The following STRIP1 variants were observed in gnomAD, a reference collection of about 807,000 sequenced individuals.
The protein encoded by STRIP1 is striatin interacting protein 1.
STRIP1 carries 63 observed loss-of-function variants against 106.2 expected under a neutral mutation model. The ratio of observed to expected loss-of-function variants is 0.59; its 90% CI spans 0.48 to 0.73. STRIP1 has a LOEUF of 0.73. Among genes scored for constraint, STRIP1 ranks in the 30% least tolerant of loss-of-function variants. STRIP1 has a pLI of 0.00. For missense variants in STRIP1, 857 were observed against 1,074.8 expected, an observed-to-expected ratio of 0.80 and a Z score of 2.83; for synonymous variants, 390 against 413.0, an observed-to-expected ratio of 0.94 and a Z score of 0.67.
In STRIP1 at chr1:110,043,137, G is replaced by A. The variant is rs776174401; in HGVS notation, c.935G>A (p.Arg312His). ...EELQSMKAEK[R>H]SILGLPPLPE... ...CTGCAGAGCATGAAGGCTGAGAAGC[G>A]CAGCATCCTGGGCCTCCCCCCGCTT... Residue 312 changes from arginine to histidine, a missense_variant, in exon 9 of 21, where the codon CGC becomes CAC. By Grantham distance (29) the Arg-to-His change is conservative. Coordinates refer to ENST00000369795, the MANE Select transcript of STRIP1 (RefSeq NM_033088.4). The A allele has an allele frequency of 5.0e-6, 8 of 1,613,830 alleles. No individual in the cohort carries two copies. Among genetic ancestry groups the A allele is most frequent in the Middle Eastern group, 3.3e-4 (2 of 6,084 alleles).
intron 13 of STRIP1, 29 bp downstream of exon 13, chr1:110,046,780 G>A (rs372429231): frequency 9.0e-5 from 141 of 1,567,622 alleles, no homozygotes; most frequent in African/African-American, 6.8e-5. Context: ...GTCCGGGCGC[G>A]GTGGCTCACG....
At chr1:110,051,144 T>C in intron 19 of STRIP1, 84 bp downstream of exon 19, 1 of 878,512 alleles carries the variant, frequency 1.1e-6, no homozygotes, top group South Asian at 1.3e-5. Flanking sequence ...AGGGTGGGGC[T>C]CACTGTGCCT....
chr1:110,036,019 C>T (rs1042284709), intron 1 of STRIP1, among the ~76,000 whole-genome samples: 15 of 152,108 alleles, frequency 9.9e-5, no homozygotes, highest in African/African-American at 3.1e-4. Context: ...TGGAAGATTA[C>T]GAAAGTGCAG....
chr1:110,048,266 A>G, intron 15 of STRIP1: 2 of 215,514 alleles, frequency 9.3e-6, no homozygotes, highest in South Asian at 8.1e-5. Context: ...GTATAGAGAC[A>G]TCCCTTTTCG....
chr1:110,040,704 G>T lies in STRIP1; in HGVS notation c.650+1G>T. 1 of 1,609,974 alleles carries T rather than the reference G, an allele frequency of 6.2e-7. No homozygotes were observed. On this transcript the variant is annotated splice_donor_variant, in intron 6 of 20. Coordinates refer to ENST00000369795, the MANE Select transcript of STRIP1 (RefSeq NM_033088.4). LOFTEE classifies it high-confidence loss of function. ...CCCTGGCTGACAGCACAGACCTCAG[G>T]TGAGGCGAGCAGCAAGCCTGGGCTC... is the stretch of plus-strand genomic sequence containing the variant.
chr1:110,047,598 C>G lies in STRIP1; in HGVS notation c.1545C>G (p.Pro515=). 1 of 1,610,522 alleles carries G rather than the reference C, an allele frequency of 6.2e-7. No individual in the cohort carries two copies. The highest frequency in any genetic ancestry group is 8.5e-7 in the Non-Finnish European group (1 of 1,178,340). The change falls in exon 14 of 21, where the codon CCC becomes CCG. Residue 515 remains proline (P), a synonymous_variant. Coordinates refer to ENST00000369795, the MANE Select transcript of STRIP1 (RefSeq NM_033088.4). ...PAETLYQGLL[P]SLPQYMIALL... ...AAACCCTCTACCAAGGCTTGCTCCC[C>G]AGCCTGCCTCAGTATATGGTGAGTG...
upstream of STRIP1, among the ~76,000 whole-genome samples, chr1:110,032,732 C>G (rs1426786563): frequency 1.3e-5 from 2 of 152,130 alleles, no homozygotes; most frequent in Non-Finnish European, 2.9e-5. Flanking sequence ...GTCCCCCTAC[C>G]TACACAATAT....
chr1:110,053,962 C>T lies in STRIP1; in HGVS notation c.*50C>T, dbSNP rs376640780. 6 of 1,603,166 alleles carry T rather than the reference C, an allele frequency of 3.7e-6. No individual in the cohort carries two copies. The highest frequency in any genetic ancestry group is 1.8e-4 in the Middle Eastern group (1 of 5,672). On this transcript the variant is annotated 3_prime_UTR_variant, in exon 21 of 21. Coordinates refer to ENST00000369795, the MANE Select transcript of STRIP1 (RefSeq NM_033088.4). ...GGAGAGAAAAGATGATCTGAAGGTA[C>T]CTGTGGGACTGTCCTAGTTCATTGC... is the stretch of plus-strand genomic sequence containing the variant.
chr1:110,050,722 A>G (rs925730857), intron 18 of STRIP1, among the ~76,000 whole-genome samples: 1 of 152,238 alleles, frequency 6.6e-6, no homozygotes, highest in Non-Finnish European at 1.5e-5. Flanking sequence ...GCCCAAGGCC[A>G]CAGCTCCCAG....
intron 18 of STRIP1, 44 bp from the exon 19 acceptor site, chr1:110,050,912 C>T: frequency 8.9e-7 from 1 of 1,120,920 alleles, no homozygotes; most frequent in Admixed American, 1.7e-5. Context: ...CTGCTGCACA[C>T]ACTGCAGCCA....
rs1652351165 is a variant in STRIP1, at chr1:110,034,709, G to T, written c.72G>T (p.Pro24=). 7.3e-6 allele frequency: 11 copies of T among 1,508,626 alleles called. No homozygotes were observed. In the East Asian group the frequency reaches 8.5e-5, roughly 12 times the overall value. 93.5% of individuals were successfully genotyped at this position (1,508,626 alleles called of 1,614,324 possible). A position where few individuals can be genotyped will look rare whatever the true frequency, so the allele number is the denominator to read the frequency against. The change falls in exon 1 of 21, where the codon CCG becomes CCT. Residue 24 remains proline, a synonymous_variant. Coordinates refer to ENST00000369795, the MANE Select transcript of STRIP1 (RefSeq NM_033088.4). ...AACAGCCCCAGCCCCCGCCACCTCC[G>T]CCGCCGGCAGCCGCACAGCCACCAC... ...NNKQPQPPPP[P]PPAAAQPPPG...
intron 10 of STRIP1, 31 bp from the exon 11 acceptor site, chr1:110,044,809 T>C (rs1652938069): frequency 6.2e-7 from 1 of 1,611,860 alleles, no homozygotes; most frequent in Non-Finnish European, 8.5e-7. Context: ...AAAAACCTTT[T>C]TTCTTTCTCT....
At chr1:110,038,108 A>G (rs986120038) in intron 2 of STRIP1, 148 bp downstream of exon 2, 84 of 165,656 alleles carry the variant, frequency 5.1e-4, no homozygotes, top group African/African-American at 2.1e-3. Flanking sequence ...ATATATATAT[A>G]TATATGTATA....
At chr1:110,050,281 CTGCTCCACCAGGCCCT>C in intron 17 of STRIP1, 46 bp from the exon 18 acceptor site, 1 of 1,551,290 alleles carries the variant, frequency 6.4e-7, no homozygotes, top group Non-Finnish European at 8.9e-7. Flanking sequence ...TCAGGCACGG[CTGCTCCACCAGGCCCT>C]GGGCCTTTGC....
chr1:110,052,134 A>G (rs1653329102), intron 20 of STRIP1, among the ~76,000 whole-genome samples: 1 of 152,118 alleles, frequency 6.6e-6, no homozygotes, highest in African/African-American at 2.4e-5. Flanking sequence ...TTCCTTTTCT[A>G]GAAATTGTCA....
intron 15 of STRIP1, among the ~76,000 whole-genome samples, chr1:110,048,753 C>T (rs1411567041): frequency 6.6e-6 from 1 of 152,122 alleles, no homozygotes; most frequent in Non-Finnish European, 1.5e-5. Context: ...TTTTCCATGA[C>T]ATGAAACTTG....
At chr1:110,041,354 G>A (rs930828369) in intron 6 of STRIP1, 182 bp from the exon 7 acceptor site, 1 of 559,202 alleles carries the variant, frequency 1.8e-6, no homozygotes, top group African/African-American at 1.9e-5. Context: ...CACCTCTGTG[G>A]TTTTTTTCTT....
intron 19 of STRIP1, among the ~76,000 whole-genome samples, chr1:110,051,285 T>G (rs1653287364): frequency 6.6e-6 from 1 of 152,204 alleles, no homozygotes; most frequent in African/African-American, 2.4e-5. Context: ...TAGAAGAACT[T>G]TTTCCATGTC....
In STRIP1 at chr1:110,049,243, C is replaced by G. The variant is rs1455066033; in HGVS notation, c.1788+5C>G. On this transcript the variant is annotated splice_donor_5th_base_variant and intron_variant, in intron 16 of 20. Transcript: ENST00000369795. ...AAGTTGAACCATGTCTACCAGGTAC[C>G]CACAGGGCTTTCCCTCCTGTCCTGT... 4 of 1,613,930 alleles carry G rather than the reference C, an allele frequency of 2.5e-6. No individual in the cohort carries two copies. In the Admixed American group the frequency reaches 6.7e-5, roughly 27 times the overall value.
Sources: allele counts gnomAD v4.1 joint callset (sites outside exome capture counted in the v4.1 genomes callset), GRCh38; gene constraint gnomAD v4.1.1; transcripts MANE v1.5; gene names NCBI Gene and HGNC (gene_info 2026-07-23, HGNC 2026-07-21).